The following PCDH8 variants were observed in gnomAD, a reference collection of about 807,000 sequenced individuals.
PCDH8 encodes protocadherin 8, also known as protocadherin-8.
In PCDH8, 36 loss-of-function variants were observed where a neutral mutation model predicts 58.2. That is an observed-to-expected ratio of 0.62 (90% CI 0.47 to 0.82). The LOEUF is 0.82. PCDH8 is among the 40% of genes least tolerant of loss of function. PCDH8 has a pLI of 0.00. For synonymous variants in PCDH8, 775 were observed against 728.9 expected (o/e 1.06, Z -1.02); for missense variants, 1,493 against 1,567.8 (o/e 0.95, Z 0.81).
Position 52,848,595 on chromosome 13 carries a change from C to T in PCDH8, c.-159G>A. 1.5e-6 allele frequency: 2 copies of T among 1,357,612 alleles called. No individual in the cohort carries two copies. Among genetic ancestry groups the T allele is most frequent in the Non-Finnish European group, 1.9e-6 (2 of 1,036,400 alleles). 84.1% of individuals were successfully genotyped at this position (1,357,612 alleles called of 1,614,324 possible). On this transcript the variant is annotated 5_prime_UTR_variant, in exon 1 of 3. Coordinates refer to ENST00000377942, the MANE Select transcript of PCDH8 (RefSeq NM_002590.4). Reference sequence around the variant, plus strand: ...GAGCCTCCAGCGGGCTCTGAGGACGCGCGGACCCGCCCTCACTCTGCGCCT... The same window carrying T: ...GAGCCTCCAGCGGGCTCTGAGGACGTGCGGACCCGCCCTCACTCTGCGCCT...
Position 52,848,596 on chromosome 13 carries a change from G to T in PCDH8, c.-160C>A. The T allele has an allele frequency of 1.5e-6, 2 of 1,360,624 alleles. No homozygotes were observed. Among genetic ancestry groups the T allele is most frequent in the Non-Finnish European group, 1.9e-6 (2 of 1,038,796 alleles). The allele number at this position is 1,360,624 out of a possible 1,614,324, so 84.3% of individuals were successfully genotyped here. ...AGCCTCCAGCGGGCTCTGAGGACGC[G>T]CGGACCCGCCCTCACTCTGCGCCTC... is the stretch of plus-strand genomic sequence containing the variant. On this transcript the variant is annotated 5_prime_UTR_variant, in exon 1 of 3. Coordinates refer to ENST00000377942, the MANE Select transcript of PCDH8 (RefSeq NM_002590.4).
Position 52,847,687 on chromosome 13 carries a change from C to A in PCDH8, c.750G>T (p.Val250=). 1 of 1,555,728 alleles carries A rather than the reference C, an allele frequency of 6.4e-7. No homozygotes were observed. Among genetic ancestry groups the A allele is most frequent in the Non-Finnish European group, 8.6e-7 (1 of 1,160,332 alleles). Residue 250 remains valine (V), a synonymous_variant, in exon 1 of 3, where the codon GTG becomes GTT. Transcript: ENST00000377942. ...CGTCTTCCGCCAGCTCCACTTCGGC[C>A]ACGGCGCCCTGCGGGAAGGCCGGGC... ...DHSPAFPQGA[V]AEVELAEDAP...
rs924126246 is a variant in PCDH8 at position 52,846,251 on chromosome 13, C to T, written c.2186G>A (p.Arg729His). Residue 729 changes from arginine (R) to histidine (H), a missense_variant, in exon 1 of 3, where the codon CGT (arginine) becomes CAT (histidine). Transcript: ENST00000377942. ...GAGCCGAGAGCCAGGCGGGCGGGAA[C>T]GCTCCGGGCTTCCTGCACTGGCAGG... ...AAPASAGSPE[R>H]SRPPGSRLGV... 1 of 1,583,082 alleles carries T rather than the reference C, an allele frequency of 6.3e-7. No homozygotes were observed. The highest frequency in any genetic ancestry group is 8.5e-7 in the Non-Finnish European group (1 of 1,171,080).
chr13:52,847,773 G>A lies in PCDH8; in HGVS notation c.664C>T (p.Arg222Cys), dbSNP rs1965766957. The change falls in exon 1 of 3, where the codon CGC (arginine) becomes TGC (cysteine). Residue 222 changes from arginine to cysteine, a missense_variant. Transcript: ENST00000377942. ...SLELVAQDGG[R>C]PPRSATAALS... ...GCAGCCGTGGCGGAGCGCGGCGGGC[G>A]GCCGCCGTCCTGGGCCACCAGCTCC... 6.9e-7 allele frequency: 1 copy of A among 1,457,468 alleles called. No homozygotes were observed. Among genetic ancestry groups the A allele is most frequent in the African/African-American group, 1.5e-5 (1 of 68,138 alleles). The allele number at this position is 1,457,468 out of a possible 1,614,324, so 90.3% of individuals were successfully genotyped here.
Position 52,847,295 on chromosome 13 carries a change from C to A in PCDH8, c.1142G>T (p.Gly381Val), listed in dbSNP as rs1217109948. Residue 381 changes from glycine to valine, a missense_variant, in exon 1 of 3, where the codon GGA becomes GTA. This residue lies in a region of PCDH8 where 1,307 missense variants were observed against 1,362.7 expected (regional missense o/e 0.96). Coordinates refer to ENST00000377942, the MANE Select transcript of PCDH8 (RefSeq NM_002590.4). Reference sequence around the variant, plus strand: ...TCCCGCCGGCGAGCTAGCGTCCGCTCCCCCGAGTGCAGCGGCGGCGGCGGC... The same window carrying A: ...TCCCGCCGGCGAGCTAGCGTCCGCTACCCCGAGTGCAGCGGCGGCGGCGGC... ...AAAAAAAALG[G>V]ADASSPAGAG... is the part of the protein sequence containing the mutation. The A allele has an allele frequency of 2.2e-6, 3 of 1,394,740 alleles. No homozygotes were observed. The highest frequency in any genetic ancestry group is 2.8e-6 in the Non-Finnish European group (3 of 1,080,662). 86.4% of individuals were successfully genotyped at this position (1,394,740 alleles called of 1,614,324 possible).
Position 52,847,700 on chromosome 13 carries a change from G to T in PCDH8, c.737C>A (p.Pro246Gln). ...CTCCACTTCGGCCACGGCGCCCTGCGGGAAGGCCGGGCTGTGGTCATTCGC... is the reference window on the plus strand; with the variant it reads ...CTCCACTTCGGCCACGGCGCCCTGCTGGAAGGCCGGGCTGTGGTCATTCGC... Reference protein sequence around the residue: ...LDANDHSPAFPQGAVAEVELA... With the variant: ...LDANDHSPAFQQGAVAEVELA... Residue 246 changes from proline to glutamine, a missense_variant, in exon 1 of 3, where the codon CCG (proline) becomes CAG (glutamine). Physicochemically the swap from Pro to Gln is moderately conservative, Grantham distance 76. This residue lies in a region of PCDH8 where 1,307 missense variants were observed against 1,362.7 expected (regional missense o/e 0.96). Transcript: ENST00000377942. The T allele has an allele frequency of 6.5e-7, 1 of 1,545,116 alleles. No homozygotes were observed. The highest frequency in any genetic ancestry group is 8.7e-7 in the Non-Finnish European group (1 of 1,154,658).
rs1450549251 is a variant in PCDH8 at position 52,845,874 on chromosome 13, C to G, written c.2563G>C (p.Gly855Arg). ...AAAEVPGSEG[G>R]SATGESACHF... ...CAGGCGCTTTCCCCAGTGGCGCTGC[C>G]GCCCTCTGAGCCCGGCACTTCGGCC... The change falls in exon 1 of 3, where the codon GGC (glycine) becomes CGC (arginine). Residue 855 changes from glycine to arginine, a missense_variant. By Grantham distance (125) the Gly-to-Arg change is moderately radical. Around this residue, in one of 3 missense-constraint regions of PCDH8, gnomAD observed 1,307 missense variants for 1,362.7 expected, o/e 0.96. Transcript: ENST00000377942. 1.3e-6 allele frequency: 2 copies of G among 1,508,904 alleles called. No homozygotes were observed. Among genetic ancestry groups the G allele is most frequent in the Middle Eastern group, 2.1e-4 (1 of 4,872 alleles). The allele number at this position is 1,508,904 out of a possible 1,614,324, so 93.5% of individuals were successfully genotyped here.
Position 52,848,518 on chromosome 13 carries a change from A to AATC in PCDH8, c.-85_-83dup. 2 of 1,481,492 alleles carry AATC rather than the reference A, an allele frequency of 1.3e-6. No individual in the cohort carries two copies. The highest frequency in any genetic ancestry group is 4.7e-5 in the East Asian group (2 of 42,546). 91.8% of individuals were successfully genotyped at this position (1,481,492 alleles called of 1,614,324 possible). ...TCGGGCGTCAGTCTCAGGCTCTCGG[A>AATC]ATCACGCTCTTTGCGAGCCCTGTGC... is the stretch of plus-strand genomic sequence containing the variant. On this transcript the variant is annotated 5_prime_UTR_variant, in exon 1 of 3. In the 5' UTR this introduces an upstream ATG that the reference lacks. Coordinates refer to ENST00000377942, the MANE Select transcript of PCDH8 (RefSeq NM_002590.4).
In PCDH8 at chr13:52,847,436, C is replaced by A; in HGVS notation, c.1001G>T (p.Arg334Leu). 6.3e-7 allele frequency: 1 copy of A among 1,586,378 alleles called. No homozygotes were observed. Residue 334 changes from arginine (R) to leucine (L), a missense_variant, in exon 1 of 3, where the codon CGC becomes CTC. Arg to Leu is a moderately radical substitution (Grantham distance 102, BLOSUM62 -2). Transcript: ENST00000377942. ...CACGATGACCTTGCAGGTGGCAGCG[C>A]GGGGCCCGGGTCCGCGGTCCTGCGC... ...VRAQDRGPGP[R>L]AATCKVIVRI...
chr13:52,845,053 T>C, intron 2 of PCDH8, 120 bp from the exon 3 acceptor site: 3 of 1,030,682 alleles, frequency 2.9e-6, no homozygotes, highest in Non-Finnish European at 4.2e-6. Flanking sequence ...GCTGTGCGCA[T>C]AGATATACAC....
At position 52,845,477 on chromosome 13, in the gene PCDH8, G is replaced by A; in HGVS notation, c.2787C>T (p.Ser929=). 1 of 1,614,172 alleles carries A rather than the reference G, an allele frequency of 6.2e-7. No homozygotes were observed. The highest frequency in any genetic ancestry group is 1.3e-5 in the African/African-American group (1 of 75,044). The change falls in exon 2 of 3, where the codon TCC becomes TCT. Residue 929 remains serine, a synonymous_variant. Transcript: ENST00000377942. ...KGDSDFNDSD[S]DISGDALKKD... is the part of the protein sequence containing the mutation. Reference sequence around the variant, plus strand: ...TTTTCAGAGCGTCCCCGCTGATGTCGGAATCGCTGTCGTTGAAATCACTGT... The same window carrying A: ...TTTTCAGAGCGTCCCCGCTGATGTCAGAATCGCTGTCGTTGAAATCACTGT...
chr13:52,845,485 T>C lies in PCDH8; in HGVS notation c.2779A>G (p.Ser927Gly). 6.2e-7 allele frequency: 1 copy of C among 1,614,234 alleles called. No homozygotes were observed. Among genetic ancestry groups the C allele is most frequent in the Non-Finnish European group, 8.5e-7 (1 of 1,180,048 alleles). The change falls in exon 2 of 3, where the codon AGC (serine) becomes GGC (glycine). Residue 927 changes from serine to glycine, a missense_variant. Transcript: ENST00000377942. ...GCGTCCCCGCTGATGTCGGAATCGC[T>C]GTCGTTGAAATCACTGTCCCCTTTA... ...SGKGDSDFNDSDSDISGDALK... is the reference protein window; with the variant it reads ...SGKGDSDFNDGDSDISGDALK...
In PCDH8 at chr13:52,846,073, C is replaced by T. The variant is rs758592537; in HGVS notation, c.2364G>A (p.Arg788=). The part of the protein sequence containing the change: ...KKEVRKGGAL[R]EERPGAAGGG... The stretch of plus-strand genomic sequence containing the variant: ...CGCCCGCCGCCCCGGGCCGCTCTTC[C>T]CGGAGGGCCCCCCCTTTGCGCACCT... Residue 788 remains arginine, a synonymous_variant, in exon 1 of 3, where the codon CGG becomes CGA. Coordinates refer to ENST00000377942, the MANE Select transcript of PCDH8 (RefSeq NM_002590.4). 18 of 1,551,080 alleles carry T rather than the reference C, an allele frequency of 1.2e-5. No homozygotes were observed. In the South Asian group the frequency reaches 1.9e-4, roughly 16 times the overall value.
Position 52,847,506 on chromosome 13 carries a change from G to T in PCDH8, c.931C>A (p.Pro311Thr). Residue 311 changes from proline (P) to threonine (T), a missense_variant, in exon 1 of 3, where the codon CCC becomes ACC. Coordinates refer to ENST00000377942, the MANE Select transcript of PCDH8 (RefSeq NM_002590.4). ...PRSGRLTLAG[P>T]VDYERQDTYE... ...GTGTCCTGACGCTCGTAGTCCACGG[G>T]CCCGGCCAGGGTGAGGCGGCCTGAT... 1.3e-6 allele frequency: 2 copies of T among 1,587,366 alleles called. No homozygotes were observed. Among genetic ancestry groups the T allele is most frequent in the South Asian group, 1.1e-5 (1 of 88,464 alleles).
At chr13:52,845,720 T>G in intron 1 of PCDH8, 86 bp downstream of exon 1, 2 of 1,531,546 alleles carry the variant, frequency 1.3e-6, no homozygotes, top group Non-Finnish European at 1.8e-6. Context: ...TCTACCTGAA[T>G]GCACCCACCC....
At position 52,846,295 on chromosome 13, in the gene PCDH8, G is replaced by A. The variant is rs1468094981; in HGVS notation, c.2142C>T (p.Gly714=). The A allele has an allele frequency of 1.3e-6, 2 of 1,569,864 alleles. No homozygotes were observed. The highest frequency in any genetic ancestry group is 1.7e-6 in the Non-Finnish European group (2 of 1,162,622). ...TGGCAGGCGCAGCCGGCCCACGCCC[G>A]CCCCCTGCTGTTACCACGAAGCTGA... ...ATVSFVVTAG[G]GRGPAAPASA... is the part of the protein sequence containing the mutation. The change falls in exon 1 of 3, where the codon GGC becomes GGT. Residue 714 remains glycine, a synonymous_variant. Coordinates refer to ENST00000377942, the MANE Select transcript of PCDH8 (RefSeq NM_002590.4).
rs1235573234 is a variant in PCDH8, at chr13:52,845,647, A to G, written c.2632-15T>C. The stretch of plus-strand genomic sequence containing the variant: ...GCACCGTAGGGCTGCAGCAGGGAAT[A>G]GGGGAATGGGAGTGGGGGGAGGGTT... On this transcript the variant is annotated splice_polypyrimidine_tract_variant and intron_variant, in intron 1 of 2. Transcript: ENST00000377942. 2.5e-6 allele frequency: 4 copies of G among 1,613,324 alleles called. No homozygotes were observed. In the African/African-American group the frequency reaches 5.3e-5, roughly 22 times the overall value.
Position 52,847,854 on chromosome 13 carries a change from C to T in PCDH8, c.583G>A (p.Ala195Thr). The T allele has an allele frequency of 6.6e-7, 1 of 1,508,624 alleles. No homozygotes were observed. Among genetic ancestry groups the T allele is most frequent in the Non-Finnish European group, 8.8e-7 (1 of 1,133,486 alleles). 93.5% of individuals were successfully genotyped at this position (1,508,624 alleles called of 1,614,324 possible). ...AGCTCCTGCAGCAGCACCAGGTCTG[C>T]GCACTGAGCGCCGTCCGCTCGCGTC... ...LQTRADGAQC[A>T]DLVLLQELDR... The change falls in exon 1 of 3, where the codon GCA becomes ACA. Residue 195 changes from alanine to threonine, a missense_variant. Around this residue, in one of 3 missense-constraint regions of PCDH8, gnomAD observed 1,307 missense variants for 1,362.7 expected, o/e 0.96. Coordinates refer to ENST00000377942, the MANE Select transcript of PCDH8 (RefSeq NM_002590.4).
chr13:52,844,272 T>C lies in PCDH8; in HGVS notation c.*288A>G, dbSNP rs1965695743. 9.5e-6 allele frequency: 2 copies of C among 209,910 alleles called. No homozygotes were observed. The highest frequency in any genetic ancestry group is 1.9e-5 in the Non-Finnish European group (2 of 106,636). The allele number at this position is 209,910 out of a possible 1,614,324, so 13.0% of individuals were successfully genotyped here. A position where few individuals can be genotyped will look rare whatever the true frequency, so the allele number is the denominator to read the frequency against. ...ACAAAATTTCATTATATACAAACATTACATTACACAATGTACAGGTTAAAA... is the reference window on the plus strand; with the variant it reads ...ACAAAATTTCATTATATACAAACATCACATTACACAATGTACAGGTTAAAA... On this transcript the variant is annotated 3_prime_UTR_variant, in exon 3 of 3. Coordinates refer to ENST00000377942, the MANE Select transcript of PCDH8 (RefSeq NM_002590.4).
Sources: gnomAD v4.1 joint callset for allele counts on GRCh38, gnomAD v4.1.1 for gene constraint, gnomAD v4.1.1 regional missense constraint, MANE v1.5 for transcripts, NCBI Gene and HGNC (gene_info 2026-07-23, HGNC 2026-07-21) for gene names.